RIT2: variants seen among roughly 807,000 people sequenced by gnomAD.
The protein encoded by RIT2 is GTP-binding protein Rit2.
RIT2 carries 24 observed loss-of-function variants against 23.7 expected under a neutral mutation model. That is an observed-to-expected ratio of 1.01 (90% CI 0.73 to 1.43). The LOEUF (loss-of-function observed/expected upper bound fraction) is 1.43. RIT2 is among the 40% of genes most tolerant of loss of function. The pLI is 0.00. For synonymous variants in RIT2, 107 were observed against 91.1 expected, an observed-to-expected ratio of 1.17 and a Z score of -0.99; for missense variants, 236 against 266.9, an observed-to-expected ratio of 0.88 and a Z score of 0.81.
intron 4 of RIT2, among the ~76,000 whole-genome samples, chr18:42,840,331 CCAACTGGG>C (rs1168539870): frequency 2.0e-5 from 3 of 152,126 alleles, no homozygotes; most frequent in Non-Finnish European, 4.4e-5. Context: ...AAATTTAAAT[CCAACTGGG>C]CATCTAGTGT....
At chr18:42,850,954 G>C (rs980475554) in intron 4 of RIT2, among the ~76,000 whole-genome samples, 5 of 152,120 alleles carry the variant, frequency 3.3e-5, no homozygotes, top group Non-Finnish European at 7.4e-5. Context: ...AATTCCCAGA[G>C]GCCGGGAACC....
At chr18:42,967,634 G>A (rs191184427) in intron 3 of RIT2, among the ~76,000 whole-genome samples, 95 of 140,782 alleles carry the variant, frequency 6.7e-4, no homozygotes, top group Admixed American at 1.7e-3. Flanking sequence ...CTCGTGATCC[G>A]CTCATCTCGG....
intron 4 of RIT2, among the ~76,000 whole-genome samples, chr18:42,780,047 G>GTTTTTTTTTTTTTTTTTTTTT (rs71175923): frequency 1.7e-5 from 1 of 59,568 alleles, no homozygotes; most frequent in African/African-American, 5.9e-5. Context: ...CAATTTAGAG[G>GTTTTTTTTTTTTTTTTTTTTT]TTTTTTTTTT....
intron 3 of RIT2, among the ~76,000 whole-genome samples, chr18:42,955,380 C>A (rs186274014): frequency 4.0e-4 from 61 of 152,252 alleles, no homozygotes; most frequent in Middle Eastern, 3.4e-3. Flanking sequence ...CAGAAGCCAG[C>A]TGACCATGGT....
chr18:42,862,852 A>C (rs1907364748), intron 4 of RIT2, among the ~76,000 whole-genome samples: 1 of 152,216 alleles, frequency 6.6e-6, no homozygotes, highest in Non-Finnish European at 1.5e-5. Context: ...TAACTCTCCC[A>C]ACAAGATTAT....
At chr18:43,099,608 G>A (rs1913635830) in intron 1 of RIT2, among the ~76,000 whole-genome samples, 2 of 152,004 alleles carry the variant, frequency 1.3e-5, no homozygotes, top group South Asian at 4.2e-4. Context: ...GTTTCAAAAA[G>A]TCTTAAACTC....
intron 2 of RIT2, among the ~76,000 whole-genome samples, chr18:42,996,007 C>A (rs1460134761): frequency 3.3e-5 from 5 of 152,284 alleles, no homozygotes; most frequent in African/African-American, 4.8e-5. Context: ...AATAAATAAT[C>A]TTTGCTGGTA....
chr18:42,892,881 G>A (rs547537811), intron 4 of RIT2, among the ~76,000 whole-genome samples: 1 of 152,154 alleles, frequency 6.6e-6, no homozygotes, highest in Non-Finnish European at 1.5e-5. Flanking sequence ...AGTGGTCTGA[G>A]TTAGGTCTAC....
At chr18:42,752,274 T>C (rs916025034) in intron 4 of RIT2, among the ~76,000 whole-genome samples, 17 of 152,150 alleles carry the variant, frequency 1.1e-4, no homozygotes, top group African/African-American at 3.9e-4. Flanking sequence ...CTAAGGTAAT[T>C]AACATATTCT....
At chr18:43,040,431 G>C (rs1401561805) in intron 1 of RIT2, among the ~76,000 whole-genome samples, 1 of 152,152 alleles carries the variant, frequency 6.6e-6, no homozygotes, top group Non-Finnish European at 1.5e-5. Context: ...TGCAACATAA[G>C]TTATGCTGGA....
intron 4 of RIT2, among the ~76,000 whole-genome samples, chr18:42,822,528 A>G (rs1220064852): frequency 1.3e-5 from 2 of 152,244 alleles, no homozygotes; most frequent in African/African-American, 4.8e-5. Flanking sequence ...GTTGTACAAT[A>G]TTAATAGACA....
chr18:42,938,846 C>T lies in RIT2; in HGVS notation c.235-15083G>A, dbSNP rs148416830. Among the ~76,000 whole-genome samples, 866 of 152,194 alleles carry T rather than the reference C, an allele frequency of 5.7e-3. 8 individuals are homozygous for T. Among genetic ancestry groups the T allele is most frequent in the African/African-American group, 0.018 (754 of 41,524 alleles). On this transcript the variant is annotated intron_variant, in intron 3 of 4. Transcript: ENST00000326695. The stretch of plus-strand genomic sequence containing the variant: ...CTCAACTTCCCAGGCTCAAGTGACC[C>T]TCCCGTCTCAGCCTCCTGAGTAGCT...
At chr18:43,052,245 T>G (rs867989098) in intron 1 of RIT2, among the ~76,000 whole-genome samples, 2 of 152,124 alleles carry the variant, frequency 1.3e-5, no homozygotes, top group African/African-American at 4.8e-5. Context: ...GCAATTGATA[T>G]GTGTGTAAAA....
At chr18:42,764,981 T>C (rs564915892) in intron 4 of RIT2, among the ~76,000 whole-genome samples, 1 of 152,354 alleles carries the variant, frequency 6.6e-6, no homozygotes, top group East Asian at 1.9e-4. Flanking sequence ...TATTGAAGCC[T>C]TCATGTTTAG....
chr18:42,796,045 GCCCTAGC>G lies in RIT2; in HGVS notation c.427-52332_427-52326del, dbSNP rs553276141. On this transcript the variant is annotated intron_variant, in intron 4 of 4. Transcript: ENST00000326695. ...CCAGATAAGAGAATAAAAGCAGGCT[GCCCTAGC>G]CAGCAGTGGCAACCCGCTCAGGTCC... Among the ~76,000 whole-genome samples, 7 of 152,244 alleles carry G rather than the reference GCCCTAGC, an allele frequency of 4.6e-5. No individual in the cohort carries two copies. The South Asian group carries it at 1.5e-3, about 32-fold the overall frequency.
chr18:43,080,192 T>TA (rs1350771333), intron 1 of RIT2, among the ~76,000 whole-genome samples: 1 of 152,174 alleles, frequency 6.6e-6, no homozygotes, highest in African/African-American at 2.4e-5. Flanking sequence ...TTTCCTCTGT[T>TA]AGAGAATGTA....
chr18:42,850,194 G>T (rs1488457832), intron 4 of RIT2, among the ~76,000 whole-genome samples: 1 of 150,610 alleles, frequency 6.6e-6, no homozygotes. Flanking sequence ...AAAATATCTG[G>T]CAATGATAAT....
intron 3 of RIT2, among the ~76,000 whole-genome samples, chr18:42,968,210 T>G (rs1400650973): frequency 6.6e-6 from 1 of 152,206 alleles, no homozygotes; most frequent in African/African-American, 2.4e-5. Flanking sequence ...TTTATAGCCA[T>G]GTACAGTACA....
chr18:42,808,394 TA>T, intron 4 of RIT2, among the ~76,000 whole-genome samples: 1 of 152,342 alleles, frequency 6.6e-6, no homozygotes, highest in Non-Finnish European at 1.5e-5. Flanking sequence ...TGTAAAGTCA[TA>T]TTTTTTTGTA....
Sources: gnomAD v4.1 joint callset for allele counts (sites outside exome capture counted in the v4.1 genomes callset) on GRCh38, gnomAD v4.1.1 for gene constraint, MANE v1.5 for transcripts, NCBI Gene and HGNC (gene_info 2026-07-23, HGNC 2026-07-21) for gene names.